Variants in TH observed in about 807,000 individuals in gnomAD.
TH encodes tyrosine 3-monooxygenase.
In TH, 49 loss-of-function variants were observed where a neutral mutation model predicts 57.4. That is an observed-to-expected ratio of 0.85 (90% confidence interval 0.68 to 1.08). The LOEUF (loss-of-function observed/expected upper bound fraction) is 1.08. Among genes scored for constraint, TH ranks in the 50% least tolerant of loss-of-function variants. TH has a pLI of 0.00. For synonymous variants in TH, 330 were observed against 304.5 expected (o/e 1.08, Z -0.87); for missense variants, 720 against 696.7 (o/e 1.03, Z -0.38).
chr11:2,166,348 G>A, intron 9 of TH, 132 bp downstream of exon 9: 1 of 1,250,122 alleles, frequency 8.0e-7, no homozygotes, highest in East Asian at 2.6e-5. Context: ...GCGACCCTCG[G>A]GGCGCCGAGC....
rs558597025 is a variant in TH at position 2,169,737 on chromosome 11, C to T, written c.225G>A (p.Glu75=). ...GGTTTAGCACGGCCTTCCCCTCCTT[C>T]TCCTCAAAGGCCACAGCCTCCAGGG... The part of the protein sequence containing the change: ...GDPLEAVAFE[E]KEGKAVLNLL... The change falls in exon 2 of 13, where the codon GAG becomes GAA. Residue 75 remains glutamate (E), a synonymous_variant. Transcript: ENST00000352909. 12 of 1,612,862 alleles carry T rather than the reference C, an allele frequency of 7.4e-6. No homozygotes were observed. In the East Asian group the frequency reaches 1.3e-4, roughly 18 times the overall value.
At position 2,166,010 on chromosome 11, in the gene TH, G is replaced by A; in HGVS notation, c.1096C>T (p.Leu366=). 6.4e-7 allele frequency: 1 copy of A among 1,561,754 alleles called. No individual in the cohort carries two copies. The highest frequency in any genetic ancestry group is 8.7e-7 in the Non-Finnish European group (1 of 1,153,196). Residue 366 remains leucine (L), a synonymous_variant, in exon 10 of 13, where the codon CTG becomes TTG. Transcript: ENST00000352909. ...GGGAGGGGTCAACCCACCGTGGACAGCTTCTCAATTTCCTCATCCGAGGCC... is the reference window on the plus strand; with the variant it reads ...GGGAGGGGTCAACCCACCGTGGACAACTTCTCAATTTCCTCATCCGAGGCC... ...LGASDEEIEK[L]STLYWFTVEF...
In TH at chr11:2,166,684, T is replaced by G. The variant is rs1846100884; in HGVS notation, c.926A>C (p.Gln309Pro). 6.4e-7 allele frequency: 1 copy of G among 1,562,978 alleles called. No individual in the cohort carries two copies. The highest frequency in any genetic ancestry group is 1.2e-5 in the South Asian group (1 of 85,084). ...CGCGTGGCGGATATACTGGGTGCAC[T>G]GGAACACGCGGAAGGCCAGGCTGGC... ...FLASLAFRVF[Q>P]CTQYIRHASS... is the part of the protein sequence containing the mutation. The change falls in exon 8 of 13, where the codon CAG becomes CCG. Residue 309 changes from glutamine (Q) to proline (P), a missense_variant. Gln to Pro is a moderately conservative substitution (Grantham distance 76, BLOSUM62 -1). Coordinates refer to ENST00000352909, the MANE Select transcript of TH (RefSeq NM_000360.4).
At position 2,170,582 on chromosome 11, in the gene TH, G is replaced by C. The variant is rs558128823; in HGVS notation, c.91-711C>G. ...TCCCTTGGAGCTGAACTCCCAAGAA[G>C]GCTCTGGGCCCCTTGTAAGAGAAGA... On this transcript the variant is annotated intron_variant, in intron 1 of 12. Transcript: ENST00000352909. The surrounding 1 kb of genome is among the most constrained non-coding windows in gnomAD (Gnocchi z 6.0). The C allele has an allele frequency of 9.9e-7, 1 of 1,009,884 alleles. No individual in the cohort carries two copies. Among genetic ancestry groups the C allele is most frequent in the East Asian group, 2.6e-5 (1 of 38,504 alleles). 62.6% of individuals were successfully genotyped at this position (1,009,884 alleles called of 1,614,324 possible).
chr11:2,169,551 G>T, intron 2 of TH, 99 bp downstream of exon 2: 1 of 1,226,686 alleles, frequency 8.2e-7, no homozygotes, highest in Non-Finnish European at 1.2e-6. Context: ...TCGGGGGCCT[G>T]GGCAGCTGCA....
In TH at chr11:2,164,201, G is replaced by T; in HGVS notation, c.*32C>A. On this transcript the variant is annotated 3_prime_UTR_variant, in exon 13 of 13. Coordinates refer to ENST00000352909, the MANE Select transcript of TH (RefSeq NM_000360.4). ...TCCGGGACAGTGCAGGACCAGGGGA[G>T]GTTGGGAAGGGCCCTCAGGGACGCC... 1 of 1,430,552 alleles carries T rather than the reference G, an allele frequency of 7.0e-7. No individual in the cohort carries two copies. The highest frequency in any genetic ancestry group is 1.6e-5 in the South Asian group (1 of 62,618). 88.6% of individuals were successfully genotyped at this position (1,430,552 alleles called of 1,614,324 possible).
At chr11:2,166,368 G>T in intron 9 of TH, 112 bp downstream of exon 9, 1 of 1,376,928 alleles carries the variant, frequency 7.3e-7, no homozygotes, top group East Asian at 2.5e-5. Flanking sequence ...CCTCCTTGGC[G>T]GGGCCCGGGA....
chr11:2,169,866 C>T lies in TH; in HGVS notation c.96G>A (p.Pro32=), dbSNP rs202167640. 2.0e-5 allele frequency: 32 copies of T among 1,609,134 alleles called. No homozygotes were observed. Among genetic ancestry groups the T allele is most frequent in the East Asian group, 8.9e-5 (4 of 44,780 alleles). ...GGCTCTGCCTGCGCCCAATGAACCG[C>T]GGGGACTGTGGGGACAAGGGGCACC... ...DAKQAEAIMS[P]RFIGRRQSLI... Residue 32 remains proline (P), a synonymous_variant, in exon 2 of 13, where the codon CCG becomes CCA. Transcript: ENST00000352909.
In TH at chr11:2,167,011, C is replaced by A; in HGVS notation, c.717G>T (p.Leu239=). ...AGGCGTGCGTGGCGTAGAGGCCCTT[C>A]AGCGTGGTGTAGACCTCCTTCCTGC... ...IATWKEVYTT[L]KGLYATHACG... is the part of the protein sequence containing the mutation. The change falls in exon 7 of 13, where the codon CTG becomes CTT. Residue 239 remains leucine (L), a synonymous_variant. Coordinates refer to ENST00000352909, the MANE Select transcript of TH (RefSeq NM_000360.4). The A allele has an allele frequency of 6.3e-7, 1 of 1,585,928 alleles. No homozygotes were observed. Among genetic ancestry groups the A allele is most frequent in the Non-Finnish European group, 8.6e-7 (1 of 1,166,294 alleles).
In TH at chr11:2,171,130, G is replaced by A. The variant is rs1846246030; in HGVS notation, c.90+567C>T. On this transcript the variant is annotated intron_variant, in intron 1 of 12. Coordinates refer to ENST00000352909, the MANE Select transcript of TH (RefSeq NM_000360.4). The surrounding 1 kb of genome is among the most constrained non-coding windows in gnomAD (Gnocchi z 8.6). Reference sequence around the variant, plus strand: ...ATGAATGAATGAGGGAAATAAGGGAGGAACAGGCCAATGGGAATCACCCCA... The same window carrying A: ...ATGAATGAATGAGGGAAATAAGGGAAGAACAGGCCAATGGGAATCACCCCA... Among the ~76,000 whole-genome samples the A allele has an allele frequency of 6.7e-6, 1 of 150,302 alleles. No homozygotes were observed. Among genetic ancestry groups the A allele is most frequent in the African/African-American group, 2.4e-5 (1 of 40,870 alleles).
chr11:2,167,410 GC>G, intron 6 of TH, 24 bp downstream of exon 6: 1 of 1,555,094 alleles, frequency 6.4e-7, no homozygotes, highest in Non-Finnish European at 8.7e-7. Context: ...CTCCTCCCCA[GC>G]CCCTAGCTGC....
chr11:2,168,056 G>A, intron 4 of TH, 35 bp downstream of exon 4: 1 of 1,611,954 alleles, frequency 6.2e-7, no homozygotes, highest in Non-Finnish European at 8.5e-7. Flanking sequence ...ATGTGATCAG[G>A]GGCAGGAGGC....
rs1022051981 is a variant in TH, at chr11:2,170,314, C to G, written c.91-443G>C. 2.6e-5 allele frequency among the ~76,000 whole-genome samples: 4 copies of G among 152,138 alleles called. No individual in the cohort carries two copies. Among genetic ancestry groups the G allele is most frequent in the African/African-American group, 4.8e-5 (2 of 41,442 alleles). ...CCACAGGGCCCCAGTGAACAACCCC[C>G]CTACCCTCCTGGCTGCCGCACAGGG... On this transcript the variant is annotated intron_variant, in intron 1 of 12. Coordinates refer to ENST00000352909, the MANE Select transcript of TH (RefSeq NM_000360.4). The surrounding 1 kb of genome is among the most constrained non-coding windows in gnomAD (Gnocchi z 6.0).
chr11:2,165,427 C>A lies in TH; in HGVS notation c.1201-62G>T, dbSNP rs1846061177. 3.1e-6 allele frequency: 5 copies of A among 1,599,824 alleles called. No individual in the cohort carries two copies. In the East Asian group the frequency reaches 8.9e-5, roughly 29 times the overall value. Reference sequence around the variant, plus strand: ...ACCCAGGTCCCCGAGGGAACTGGGGCACCGTGGCCTGACGCTGGGTGGGTT... The same window carrying A: ...ACCCAGGTCCCCGAGGGAACTGGGGAACCGTGGCCTGACGCTGGGTGGGTT... On this transcript the variant is annotated intron_variant, in intron 11 of 12. Coordinates refer to ENST00000352909, the MANE Select transcript of TH (RefSeq NM_000360.4).
At chr11:2,168,261 C>A (rs1057198007) in intron 3 of TH, 82 bp from the exon 4 acceptor site, 73 of 1,507,326 alleles carry the variant, frequency 4.8e-5, no homozygotes, top group Non-Finnish European at 6.4e-5. Context: ...GCCTCCCCTA[C>A]AAGACTTCCG....
rs755736680 is a variant in TH at position 2,166,454 on chromosome 11, C to T, written c.1047+26G>A. The T allele has an allele frequency of 1.0e-5, 16 of 1,553,330 alleles. No individual in the cohort carries two copies. The South Asian group carries it at 1.1e-4, about 10-fold the overall frequency. On this transcript the variant is annotated intron_variant, in intron 9 of 12. Coordinates refer to ENST00000352909, the MANE Select transcript of TH (RefSeq NM_000360.4). ...CGCCAAGCCAGCCCCTGGGTGACCC[C>T]GGCTCCCTCCGAGGCCGCGGCGTAC...
rs562609508 is a variant in TH, at chr11:2,171,772, G to A, written c.15C>T (p.Asp5=). The A allele has an allele frequency of 6.2e-6, 10 of 1,612,142 alleles. No individual in the cohort carries two copies. Among genetic ancestry groups the A allele is most frequent in the African/African-American group, 4.0e-5 (3 of 75,026 alleles). MPTP[D]ATTPQAKGFR... ...AGCCCTTGGCCTGTGGCGTGGTGGC[G>A]TCGGGGGTGGGCATGGCTCAGTGTG... Residue 5 remains aspartate, a synonymous_variant, in exon 1 of 13, where the codon GAC becomes GAT. Transcript: ENST00000352909. The surrounding 1 kb of genome is among the most constrained non-coding windows in gnomAD (Gnocchi z 8.6).
In TH at chr11:2,168,103, G is replaced by A; in HGVS notation, c.564C>T (p.Asp188=). Residue 188 remains aspartate, a synonymous_variant, in exon 4 of 13, where the codon GAC becomes GAT. Coordinates refer to ENST00000352909, the MANE Select transcript of TH (RefSeq NM_000360.4). Reference sequence around the variant, plus strand: ...GCGCACCACTCACCGGGTGGTCCAAGTCCAGGTCAGGGTCGAACTTGGTGA... The same window carrying A: ...GCGCACCACTCACCGGGTGGTCCAAATCCAGGTCAGGGTCGAACTTGGTGA... ...HLVTKFDPDL[D]LDHPGFSDQV... 1.2e-6 allele frequency: 2 copies of A among 1,613,512 alleles called. No homozygotes were observed. The highest frequency in any genetic ancestry group is 1.7e-6 in the Non-Finnish European group (2 of 1,180,018).
rs1013080485 is a variant in TH, at chr11:2,170,001, G to A, written c.91-130C>T. On this transcript the variant is annotated intron_variant, in intron 1 of 12. Coordinates refer to ENST00000352909, the MANE Select transcript of TH (RefSeq NM_000360.4). This position sits in a 1 kb window ranked among gnomAD's most constrained non-coding sequence, Gnocchi z 6.0. The stretch of plus-strand genomic sequence containing the variant: ...AGGGGATGAGAGCACGTTTTTGAGC[G>A]CCTACTGTGTGCCTGCTGGGGCAGA... 3.4e-5 allele frequency: 33 copies of A among 967,270 alleles called. No individual in the cohort carries two copies. Among genetic ancestry groups the A allele is most frequent in the South Asian group, 6.9e-5 (5 of 71,954 alleles). 59.9% of individuals were successfully genotyped at this position (967,270 alleles called of 1,614,324 possible). A position where few individuals can be genotyped will look rare whatever the true frequency, so the allele number is the denominator to read the frequency against.
Sources: allele counts gnomAD v4.1 joint callset (sites outside exome capture counted in the v4.1 genomes callset), GRCh38; gene constraint gnomAD v4.1.1; non-coding constraint Gnocchi (gnomAD v3.1); transcripts MANE v1.5; gene names NCBI Gene and HGNC (gene_info 2026-07-23, HGNC 2026-07-21).